The following GNPTAB variants were observed in gnomAD, a reference collection of about 807,000 sequenced individuals.
GNPTAB encodes the protein N-acetylglucosamine-1-phosphate transferase subunits alpha and beta, also known as N-acetylglucosamine-1-phosphotransferase subunits alpha/beta.
In GNPTAB, 92 loss-of-function variants were observed where a neutral mutation model predicts 136.6. That is an observed-to-expected ratio of 0.67 (90% CI 0.57 to 0.80). The LOEUF is 0.80. Among genes scored for constraint, GNPTAB ranks in the 30% least tolerant of loss-of-function variants. The pLI is 0.00. For synonymous variants in GNPTAB, 512 were observed against 535.1 expected, an observed-to-expected ratio of 0.96 and a Z score of 0.60; for missense variants, 1,343 against 1,501.8, an observed-to-expected ratio of 0.89 and a Z score of 1.75.
At chr12:101,777,612 C>A (rs1447691148) in intron 7 of GNPTAB, among the ~76,000 whole-genome samples, 1 of 152,196 alleles carries the variant, frequency 6.6e-6, no homozygotes, top group Non-Finnish European at 1.5e-5. Flanking sequence ...TGCCTTGACC[C>A]CAAGTACACC....
Position 101,780,165 on chromosome 12 carries a change from G to T in GNPTAB, c.758C>A (p.Ser253Tyr). The T allele has an allele frequency of 1.9e-6, 3 of 1,613,556 alleles. No individual in the cohort carries two copies. The highest frequency in any genetic ancestry group is 2.5e-6 in the Non-Finnish European group (3 of 1,179,498). Residue 253 changes from serine to tyrosine, a missense_variant, in exon 7 of 21, where the codon TCT becomes TAT. By Grantham distance (144) the Ser-to-Tyr change is moderately radical. Transcript: ENST00000299314. ...LKTKLPENLS[S>Y]KVKLLQLYSE... The stretch of plus-strand genomic sequence containing the variant: ...CTATGTTCTTACCAGTTTGACTTTA[G>T]AGGAAAGATTTTCTGGCAATTTTGT...
intron 2 of GNPTAB, among the ~76,000 whole-genome samples, chr12:101,793,362 G>A (rs1417849937): frequency 6.6e-6 from 1 of 152,120 alleles, no homozygotes; most frequent in East Asian, 1.9e-4. Context: ...TAAAGGAGAG[G>A]AGAATTACAT....
intron 2 of GNPTAB, among the ~76,000 whole-genome samples, chr12:101,795,081 ATTAAC>A (rs1289791766): frequency 6.6e-6 from 1 of 152,242 alleles, no homozygotes; most frequent in Non-Finnish European, 1.5e-5. Context: ...CCTTAGGGAA[ATTAAC>A]TTGTTAAAGT....
chr12:101,809,835 A>G (rs1870125293), intron 1 of GNPTAB, among the ~76,000 whole-genome samples: 1 of 152,220 alleles, frequency 6.6e-6, no homozygotes, highest in Admixed American at 6.5e-5. Flanking sequence ...GTAGTGGTAG[A>G]CACAGGACAT....
Position 101,770,106 on chromosome 12 carries a change from T to G in GNPTAB, c.1199A>C (p.Gln400Pro). The change falls in exon 10 of 21, where the codon CAG (glutamine) becomes CCG (proline). Residue 400 changes from glutamine (Q) to proline (P), a missense_variant. Physicochemically the swap from Gln to Pro is moderately conservative, Grantham distance 76. Coordinates refer to ENST00000299314, the MANE Select transcript of GNPTAB (RefSeq NM_024312.5). ...ATCATCATTTAGGTAAATAAACTTCTGGGACAGCCCTTCGATGCGATGAAT... is the reference window on the plus strand; with the variant it reads ...ATCATCATTTAGGTAAATAAACTTCGGGGACAGCCCTTCGATGCGATGAAT... ...SHIHRIEGLS[Q>P]KFIYLNDDVM... 1 of 1,614,138 alleles carries G rather than the reference T, an allele frequency of 6.2e-7. No homozygotes were observed. The highest frequency in any genetic ancestry group is 8.5e-7 in the Non-Finnish European group (1 of 1,179,992).
intron 1 of GNPTAB, among the ~76,000 whole-genome samples, chr12:101,810,171 C>A (rs796754945): frequency 6.6e-6 from 1 of 151,974 alleles, no homozygotes; most frequent in Non-Finnish European, 1.5e-5. Context: ...TCTCTTCAGG[C>A]CACGAGTTCA....
At chr12:101,805,187 A>AT (rs1869865632) in intron 1 of GNPTAB, among the ~76,000 whole-genome samples, 3 of 152,302 alleles carry the variant, frequency 2.0e-5, no homozygotes, top group Admixed American at 2.0e-4. Flanking sequence ...TTCAAATTTT[A>AT]TTTTTGCAAA....
At chr12:101,827,546 G>C (rs1871153741) in intron 1 of GNPTAB, among the ~76,000 whole-genome samples, 1 of 152,050 alleles carries the variant, frequency 6.6e-6, no homozygotes, top group Non-Finnish European at 1.5e-5. Context: ...TGTTTTGTTT[G>C]ATACTTCCTT....
At chr12:101,796,414 A>T in intron 2 of GNPTAB, 1 of 647,312 alleles carries the variant, frequency 1.5e-6, no homozygotes, top group Admixed American at 2.3e-5. Context: ...TTTTAAAAAA[A>T]TATCTTACGG....
At position 101,769,913 on chromosome 12, in the gene GNPTAB, G is replaced by C. The variant is rs983092612; in HGVS notation, c.1284+108C>G. On this transcript the variant is annotated intron_variant, in intron 10 of 20. Coordinates refer to ENST00000299314, the MANE Select transcript of GNPTAB (RefSeq NM_024312.5). ...CCCAAAGTACTGGGATTACAGGTGT[G>C]AGCCACCATGTCTGGCCTGATATTT... 5.4e-6 allele frequency: 6 copies of C among 1,113,266 alleles called. No homozygotes were observed. In the African/African-American group the frequency reaches 6.1e-5, roughly 11 times the overall value. The allele number at this position is 1,113,266 out of a possible 1,614,324, so 69.0% of individuals were successfully genotyped here.
At chr12:101,824,613 T>G (rs1870998123) in intron 1 of GNPTAB, among the ~76,000 whole-genome samples, 1 of 151,116 alleles carries the variant, frequency 6.6e-6, no homozygotes, top group Non-Finnish European at 1.5e-5. Flanking sequence ...ACTACAGGCA[T>G]GCACCACCAC....
At chr12:101,803,415 C>T (rs1177742149) in intron 1 of GNPTAB, among the ~76,000 whole-genome samples, 1 of 152,184 alleles carries the variant, frequency 6.6e-6, no homozygotes, top group Middle Eastern at 3.2e-3. Flanking sequence ...CGATTAAAGA[C>T]ACCCATTTTC....
chr12:101,777,960 G>C (rs1414411731), intron 7 of GNPTAB, among the ~76,000 whole-genome samples: 1 of 152,150 alleles, frequency 6.6e-6, no homozygotes, highest in South Asian at 2.1e-4. Context: ...AGAGGTGTTG[G>C]CCTCCACAAA....
At chr12:101,772,025 T>C (rs991942166) in intron 7 of GNPTAB, among the ~76,000 whole-genome samples, 1 of 152,254 alleles carries the variant, frequency 6.6e-6, no homozygotes, top group Non-Finnish European at 1.5e-5. Context: ...AGTGCTTCCA[T>C]GGGAAAACTA....
chr12:101,764,167 G>T (rs1401189118), intron 13 of GNPTAB, 35 bp downstream of exon 13: 2 of 1,612,994 alleles, frequency 1.2e-6, no homozygotes, highest in South Asian at 1.1e-5. Flanking sequence ...TACTCTTCCT[G>T]AGCATGAGAA....
intron 1 of GNPTAB, 68 bp from the exon 2 acceptor site, chr12:101,796,830 T>C: frequency 9.7e-7 from 1 of 1,035,498 alleles, no homozygotes; most frequent in Non-Finnish European, 1.5e-6. Context: ...TCATTTCATT[T>C]TAATTTCATT....
At chr12:101,772,420 A>G (rs972011724) in intron 7 of GNPTAB, among the ~76,000 whole-genome samples, 8 of 152,120 alleles carry the variant, frequency 5.3e-5, no homozygotes, top group Non-Finnish European at 1.2e-4. Context: ...GTAGTCCAGA[A>G]CACCAGAGGT....
At chr12:101,819,836 A>G (rs1235259539) in intron 1 of GNPTAB, among the ~76,000 whole-genome samples, 2 of 152,242 alleles carry the variant, frequency 1.3e-5, no homozygotes, top group Non-Finnish European at 2.9e-5. Context: ...CACCTGTTAT[A>G]TTTTAGAAGG....
chr12:101,774,990 C>T (rs1953239412), intron 7 of GNPTAB, among the ~76,000 whole-genome samples: 1 of 152,180 alleles, frequency 6.6e-6, no homozygotes, highest in South Asian at 2.1e-4. Flanking sequence ...GTTGTCTAAA[C>T]AATCACATAT....
Sources: gnomAD v4.1 joint callset for allele counts (sites outside exome capture counted in the v4.1 genomes callset) on GRCh38, gnomAD v4.1.1 for gene constraint, MANE v1.5 for transcripts, NCBI Gene and HGNC (gene_info 2026-07-23, HGNC 2026-07-21) for gene names.